Variants in TRPM2 observed in about 807,000 individuals in gnomAD.
TRPM2 encodes estrogen-responsive element-associated gene 1 protein.
TRPM2 carries 161 observed loss-of-function variants against 174.0 expected under a neutral mutation model. The observed-to-expected ratio is 0.93, with a 90% CI of 0.81 to 1.05. The LOEUF (loss-of-function observed/expected upper bound fraction) is 1.05. Ranked by LOEUF, TRPM2 falls within the 50% of genes least tolerant of loss-of-function variation. TRPM2 has a pLI of 0.00. For synonymous variants in TRPM2, 954 were observed against 861.3 expected (o/e 1.11, Z -1.88); for missense variants, 2,057 against 2,038.0 (o/e 1.01, Z -0.18).
Position 44,426,662 on chromosome 21 carries a change from G to A in TRPM2, c.3798G>A (p.Thr1266=), listed in dbSNP as rs182079049. 222 of 1,614,206 alleles carry A rather than the reference G, an allele frequency of 1.4e-4. No individual in the cohort carries two copies. Among genetic ancestry groups the A allele is most frequent in the Middle Eastern group, 1.7e-4 (1 of 6,058 alleles). ...PVPNEKVPWE[T]EFLIYDPPFY... is the part of the protein sequence containing the mutation. ...GAAAACTCCCTGTTTTGCGACAGAC[G>A]GAGTTCCTGATCTATGACCCACCCT... Residue 1266 remains threonine (T), a splice_region_variant and synonymous_variant, in exon 26 of 32, where the codon ACG becomes ACA. Coordinates refer to ENST00000397928, the MANE Select transcript of TRPM2 (RefSeq NM_003307.4).
rs552580015 is a variant in TRPM2 at position 44,432,949 on chromosome 21, A to G, written c.3975-2182A>G. On this transcript the variant is annotated intron_variant, in intron 27 of 31. Transcript: ENST00000397928. This position sits in a 1 kb window ranked among gnomAD's most constrained non-coding sequence, Gnocchi z 4.9. The stretch of plus-strand genomic sequence containing the variant: ...GAACTACCGGGCACGTGGCAGGGAG[A>G]TGAGGGGTTGAGAACCATATGGACG... Among the ~76,000 whole-genome samples, 90 of 151,930 alleles carry G rather than the reference A, an allele frequency of 5.9e-4. 2 individuals carry two copies. The highest frequency in any genetic ancestry group is 3.6e-3 in the Admixed American group (55 of 15,264).
At chr21:44,392,587 G>A (rs769996526) in intron 11 of TRPM2, among the ~76,000 whole-genome samples, 64 of 152,008 alleles carry the variant, frequency 4.2e-4, no homozygotes, top group Non-Finnish European at 2.2e-4. Context: ...TTTATAAAGA[G>A]AACACACCTA....
chr21:44,368,192 T>TC (rs1210069303), intron 4 of TRPM2, among the ~76,000 whole-genome samples: 1 of 151,818 alleles, frequency 6.6e-6, no homozygotes, highest in Non-Finnish European at 1.5e-5. Flanking sequence ...CGATCTCAGC[T>TC]CATTGCAGCC....
intron 29 of TRPM2, among the ~76,000 whole-genome samples, 176 bp downstream of exon 29, chr21:44,437,343 T>G (rs567097898): frequency 7.2e-5 from 11 of 152,278 alleles, no homozygotes; most frequent in Admixed American, 2.6e-4. Context: ...TCCTCCCTTT[T>G]CCTCATGTTG....
chr21:44,417,384 G>A (rs7280230), intron 20 of TRPM2, among the ~76,000 whole-genome samples: 4,231 of 67,616 alleles, frequency 0.063, 292 homozygotes, highest in African/African-American at 0.15. Flanking sequence ...CAGTGGGCAC[G>A]TGGGCGTGGC....
intron 19 of TRPM2, among the ~76,000 whole-genome samples, chr21:44,407,005 C>A (rs1048228656): frequency 6.7e-6 from 1 of 149,994 alleles, no homozygotes; most frequent in African/African-American, 2.5e-5. Context: ...ACGCAGAGGT[C>A]AGAGTGGGCC....
intron 5 of TRPM2, among the ~76,000 whole-genome samples, 179 bp downstream of exon 5, chr21:44,369,522 T>G (rs531998077): frequency 1.3e-5 from 1 of 76,952 alleles, no homozygotes; most frequent in Non-Finnish European, 2.5e-5. Context: ...TCTGACCGGG[T>G]GCTGCGGGGA....
Position 44,356,089 on chromosome 21 carries a change from A to G in TRPM2, c.254+1353A>G, listed in dbSNP as rs373949898. ...GCCGGGCGCGGTGGCTCACGCCTGT[A>G]ATCCCAGCACTTTGGGAGGCCGAGG... On this transcript the variant is annotated intron_variant, in intron 2 of 31. Transcript: ENST00000397928. Among the ~76,000 whole-genome samples, 5 of 135,128 alleles carry G rather than the reference A, an allele frequency of 3.7e-5. No homozygotes were observed. In the South Asian group the frequency reaches 8.2e-4, roughly 22 times the overall value. The allele number at this position is 135,128 out of a possible 152,430, so 88.6% of individuals were successfully genotyped here. A position where few individuals can be genotyped will look rare whatever the true frequency, so the allele number is the denominator to read the frequency against.
Position 44,391,125 on chromosome 21 carries a change from C to A in TRPM2, c.1440+100C>A. 2 of 1,578,296 alleles carry A rather than the reference C, an allele frequency of 1.3e-6. No individual in the cohort carries two copies. The highest frequency in any genetic ancestry group is 1.7e-6 in the Non-Finnish European group (2 of 1,157,776). ...AAAGTTCGCATTGTCTGGATCCCAG[C>A]CCTTCCCTTGAGGGTGGGTGACCTG... On this transcript the variant is annotated intron_variant, in intron 10 of 31. Transcript: ENST00000397928. The surrounding 1 kb of genome is among the most constrained non-coding windows in gnomAD (Gnocchi z 5.0).
In TRPM2 at chr21:44,406,737, C is replaced by G. The variant is rs962751693; in HGVS notation, c.2934C>G (p.Ile978Met). 9 of 1,607,324 alleles carry G rather than the reference C, an allele frequency of 5.6e-6. No homozygotes were observed. The highest frequency in any genetic ancestry group is 1.7e-5 in the Admixed American group (1 of 59,008). Reference sequence around the variant, plus strand: ...CCGTCTACCACTCCTACCTCACCATCTTCGGGCAGATCCCGGGCTACATCG... The same window carrying G: ...CCGTCTACCACTCCTACCTCACCATGTTCGGGCAGATCCCGGGCTACATCG... ...RGAVYHSYLT[I>M]FGQIPGYIDG... Residue 978 changes from isoleucine to methionine, a missense_variant, in exon 19 of 32, where the codon ATC becomes ATG. Transcript: ENST00000397928.
At chr21:44,373,582 TGC>T (rs1186030769) in intron 5 of TRPM2, among the ~76,000 whole-genome samples, 2 of 106,520 alleles carry the variant, frequency 1.9e-5, no homozygotes, top group East Asian at 2.6e-4. Flanking sequence ...CTGCATTATA[TGC>T]GACCTGCATT....
rs544187896 is a variant in TRPM2, at chr21:44,427,482, G to A, written c.3974+371G>A. ...TGGGCACTGGCAGGCTTACCTGGCC[G>A]GGAAGGTGGCCTCGCCTGGCATCCT... is the stretch of plus-strand genomic sequence containing the variant. On this transcript the variant is annotated intron_variant, in intron 27 of 31. Coordinates refer to ENST00000397928, the MANE Select transcript of TRPM2 (RefSeq NM_003307.4). 1.1e-4 allele frequency among the ~76,000 whole-genome samples: 16 copies of A among 152,328 alleles called. No individual in the cohort carries two copies. In the East Asian group the frequency reaches 1.2e-3, roughly 11 times the overall value.
Position 44,375,525 on chromosome 21 carries a change from C to T in TRPM2, c.772-308C>T, listed in dbSNP as rs114848111. Among the ~76,000 whole-genome samples, 1,272 of 152,262 alleles carry T rather than the reference C, an allele frequency of 8.4e-3. 23 individuals are homozygous for T. The highest frequency in any genetic ancestry group is 0.028 in the African/African-American group (1,153 of 41,544). ...CCGCCTCCTCCACTCCTGGGGGGTC[C>T]GGCTTTCTCCACTTGTGGCTATGTC... is the stretch of plus-strand genomic sequence containing the variant. On this transcript the variant is annotated intron_variant, in intron 5 of 31. Coordinates refer to ENST00000397928, the MANE Select transcript of TRPM2 (RefSeq NM_003307.4).
In TRPM2 at chr21:44,387,267, A is replaced by C. The variant is rs147852852; in HGVS notation, c.1319-3637A>C. On this transcript the variant is annotated intron_variant, in intron 9 of 31. Coordinates refer to ENST00000397928, the MANE Select transcript of TRPM2 (RefSeq NM_003307.4). ...AAACCCTCGCATATATGGTCAAATG[A>C]TATTTGACAGGAATGCAAAAATCAT... Among the ~76,000 whole-genome samples, 348 of 152,358 alleles carry C rather than the reference A, an allele frequency of 2.3e-3. 7 individuals carry two copies. The highest frequency in any genetic ancestry group is 0.021 in the Admixed American group (317 of 15,304).
rs567200935 is a variant in TRPM2, at chr21:44,367,004, A to G, written c.604+70A>G. On this transcript the variant is annotated intron_variant, in intron 4 of 31. Coordinates refer to ENST00000397928, the MANE Select transcript of TRPM2 (RefSeq NM_003307.4). The surrounding 1 kb of genome is among the most constrained non-coding windows in gnomAD (Gnocchi z 4.6). Reference sequence around the variant, plus strand: ...GGGCTGTGGAGGCAGTGCTGGGGCAATCAGGGCCATCAGGACCCAAAAAGT... The same window carrying G: ...GGGCTGTGGAGGCAGTGCTGGGGCAGTCAGGGCCATCAGGACCCAAAAAGT... The G allele has an allele frequency of 1.4e-5, 21 of 1,472,922 alleles. No individual in the cohort carries two copies. In the South Asian group the frequency reaches 2.6e-4, roughly 18 times the overall value. 91.2% of individuals were successfully genotyped at this position (1,472,922 alleles called of 1,614,324 possible).
rs45583531 is a variant in TRPM2, at chr21:44,366,194, T to C, written c.424-560T>C. On this transcript the variant is annotated intron_variant, in intron 3 of 31. Transcript: ENST00000397928. This position sits in a 1 kb window ranked among gnomAD's most constrained non-coding sequence, Gnocchi z 6.0. ...TGTTCAGACGGGAGGCAGAGGAAGC[T>C]GGGCCCACTGAGTCCCCAGGACGGG... Among the ~76,000 whole-genome samples, 5,002 of 148,704 alleles carry C rather than the reference T, an allele frequency of 0.034. 261 individuals are homozygous for C. The highest frequency in any genetic ancestry group is 0.12 in the African/African-American group (4,701 of 40,112).
rs2050364026 is a variant in TRPM2, at chr21:44,417,854, A to G, written c.3147-73A>G. On this transcript the variant is annotated intron_variant, in intron 20 of 31. Coordinates refer to ENST00000397928, the MANE Select transcript of TRPM2 (RefSeq NM_003307.4). ...TGCTCTCTGTGGCATCACAGTGGGC[A>G]CGCAGGCGGTGAGAGGGGTCTGTTC... is the stretch of plus-strand genomic sequence containing the variant. The G allele has an allele frequency of 4.7e-6, 7 of 1,501,040 alleles. No homozygotes were observed. The East Asian group carries it at 1.6e-4, about 34-fold the overall frequency. The allele number at this position is 1,501,040 out of a possible 1,614,324, so 93.0% of individuals were successfully genotyped here. A position where few individuals can be genotyped will look rare whatever the true frequency, so the allele number is the denominator to read the frequency against.
In TRPM2 at chr21:44,410,208, A is replaced by G. The variant is rs1204877686; in HGVS notation, c.2962+3443A>G. On this transcript the variant is annotated intron_variant, in intron 19 of 31. Coordinates refer to ENST00000397928, the MANE Select transcript of TRPM2 (RefSeq NM_003307.4). ...GTCTTGGTTGGCATAGCCTTGTAGT[A>G]AGTTTTGACCGCACTGTCTTGGTTG... Among the ~76,000 whole-genome samples, 35 of 74,888 alleles carry G rather than the reference A, an allele frequency of 4.7e-4. 11 individuals are homozygous for G. The highest frequency in any genetic ancestry group is 1.3e-3 in the African/African-American group (30 of 23,046). The allele number at this position is 74,888 out of a possible 152,430, so 49.1% of individuals were successfully genotyped here.
At chr21:44,440,091 C>T (rs1264307653) in intron 30 of TRPM2, among the ~76,000 whole-genome samples, 2 of 151,180 alleles carry the variant, frequency 1.3e-5, no homozygotes, top group Non-Finnish European at 2.9e-5. Flanking sequence ...AATCCCAACA[C>T]TTTGGGAGGC....
Sources: allele counts gnomAD v4.1 joint callset (sites outside exome capture counted in the v4.1 genomes callset), GRCh38; gene constraint gnomAD v4.1.1; non-coding constraint Gnocchi (gnomAD v3.1); transcripts MANE v1.5; gene names NCBI Gene and HGNC (gene_info 2026-07-23, HGNC 2026-07-21).